The following DENND1A variants were observed in gnomAD, a reference collection of about 807,000 sequenced individuals.
The protein encoded by DENND1A is DENN domain containing 1A, also known as DENN domain-containing protein 1A.
Under a neutral mutation model 113.7 loss-of-function variants are expected in DENND1A, and 51 were observed. The observed-to-expected ratio is 0.45, with a 90% CI of 0.36 to 0.57. The LOEUF is 0.57. Ranked by LOEUF, DENND1A falls within the 20% of genes least tolerant of loss-of-function variation. The pLI, the probability that DENND1A is intolerant of heterozygous loss-of-function variation, is 0.00. For missense variants in DENND1A, 1,258 were observed against 1,395.9 expected, an observed-to-expected ratio of 0.90 and a Z score of 1.57; for synonymous variants, 565 against 570.8, an observed-to-expected ratio of 0.99 and a Z score of 0.14.
At chr9:123,826,212 G>A (rs1394280472) in intron 2 of DENND1A, among the ~76,000 whole-genome samples, 7 of 151,974 alleles carry the variant, frequency 4.6e-5, no homozygotes. Context: ...CCACAGCCTG[G>A]GCAACAAAGT....
chr9:123,663,292 G>C (rs1229117243), intron 8 of DENND1A, among the ~76,000 whole-genome samples: 1 of 152,030 alleles, frequency 6.6e-6, no homozygotes, highest in Non-Finnish European at 1.5e-5. Flanking sequence ...ACATCCCTAA[G>C]GTACTTGTTT....
chr9:123,759,238 C>T (rs1348840076), intron 4 of DENND1A: 3 of 152,206 alleles, frequency 2.0e-5, no homozygotes, highest in African/African-American at 7.2e-5. Context: ...AGGCTACCAC[C>T]TACTTGCCCA....
At chr9:123,411,724 A>T in intron 20 of DENND1A, 52 bp downstream of exon 20, 1 of 982,720 alleles carries the variant, frequency 1.0e-6, no homozygotes, top group Non-Finnish European at 1.2e-6. Context: ...AGGCTGAGGG[A>T]GAATGGCTCA....
chr9:123,609,320 G>T, intron 11 of DENND1A, 116 bp downstream of exon 11: 1 of 1,133,758 alleles, frequency 8.8e-7, no homozygotes, highest in Non-Finnish European at 1.3e-6. Flanking sequence ...GGGAGGTGCT[G>T]CTTCAGCATG....
intron 20 of DENND1A, among the ~76,000 whole-genome samples, chr9:123,407,352 C>A (rs1005775291): frequency 6.6e-6 from 1 of 152,054 alleles, no homozygotes; most frequent in Non-Finnish European, 1.5e-5. Flanking sequence ...CGAGATACAT[C>A]GAGGCCTCCA....
chr9:123,538,261 TA>T (rs1168935880), intron 13 of DENND1A, among the ~76,000 whole-genome samples: 1 of 152,292 alleles, frequency 6.6e-6, no homozygotes, highest in African/African-American at 2.4e-5. Flanking sequence ...AGAGGTTAAG[TA>T]AAAGCTCTGT....
intron 2 of DENND1A, among the ~76,000 whole-genome samples, chr9:123,808,203 G>C (rs1835931803): frequency 6.6e-6 from 1 of 151,960 alleles, no homozygotes; most frequent in Non-Finnish European, 1.5e-5. Context: ...CCCAGCCTAG[G>C]TGACAAGAGC....
intron 13 of DENND1A, among the ~76,000 whole-genome samples, chr9:123,531,396 T>C (rs2055285568): frequency 6.6e-6 from 1 of 152,174 alleles, no homozygotes; most frequent in Non-Finnish European, 1.5e-5. Context: ...TCCCTGAGTC[T>C]TTTTCTTCCT....
At chr9:123,475,402 T>C (rs2049824048) in intron 13 of DENND1A, among the ~76,000 whole-genome samples, 1 of 152,256 alleles carries the variant, frequency 6.6e-6, no homozygotes, top group African/African-American at 2.4e-5. Flanking sequence ...CCCCTCTCCC[T>C]TACTGAAGAA....
chr9:123,792,600 T>C lies in DENND1A; in HGVS notation c.119A>G (p.Asp40Gly). 1 of 1,612,952 alleles carries C rather than the reference T, an allele frequency of 6.2e-7. No individual in the cohort carries two copies. The highest frequency in any genetic ancestry group is 8.5e-7 in the Non-Finnish European group (1 of 1,179,380). Reference protein sequence around the residue: ...DPEVQRQFPEDYSDQEVLQTL... With the variant: ...DPEVQRQFPEGYSDQEVLQTL... Reference sequence around the variant, plus strand: ...CGCATTCCGAACCTGGTCACTGTAGTCCTCCGGGAATTGCCTCTGCACCTC... The same window carrying C: ...CGCATTCCGAACCTGGTCACTGTAGCCCTCCGGGAATTGCCTCTGCACCTC... Residue 40 changes from aspartate to glycine, a missense_variant, in exon 3 of 24, where the codon GAC (aspartate) becomes GGC (glycine). Physicochemically the swap from Asp to Gly is moderately conservative, Grantham distance 94. Coordinates refer to ENST00000394215, the MANE Select transcript of DENND1A (RefSeq NM_001352964.2).
In DENND1A at chr9:123,618,838, G is replaced by C. The variant is rs141849228; in HGVS notation, c.720-9357C>G. ...CGGTGCCTTCCGGGGTGCCTCTAGA[G>C]GGACAGGGCTAAAGGCTGAATGGCA... is the stretch of plus-strand genomic sequence containing the variant. On this transcript the variant is annotated intron_variant, in intron 10 of 23. Coordinates refer to ENST00000394215, the MANE Select transcript of DENND1A (RefSeq NM_001352964.2). Among the ~76,000 whole-genome samples the C allele has an allele frequency of 7.2e-5, 11 of 152,320 alleles. No individual in the cohort carries two copies. In the East Asian group the frequency reaches 2.1e-3, roughly 29 times the overall value.
At chr9:123,902,769 G>A (rs1851895861) in intron 1 of DENND1A, among the ~76,000 whole-genome samples, 1 of 146,442 alleles carries the variant, frequency 6.8e-6, no homozygotes, top group African/African-American at 2.5e-5. Context: ...ACAAAAAGCT[G>A]CAAGGAAGAG....
At chr9:123,606,430 G>A (rs1001355812) in intron 11 of DENND1A, among the ~76,000 whole-genome samples, 11 of 152,122 alleles carry the variant, frequency 7.2e-5, no homozygotes, top group Admixed American at 3.3e-4. Context: ...CTCCCTTAAC[G>A]CCCTTCAAAG....
chr9:123,689,273 C>T (rs1192525035), intron 5 of DENND1A, among the ~76,000 whole-genome samples: 5 of 152,176 alleles, frequency 3.3e-5, no homozygotes, highest in African/African-American at 9.7e-5. Context: ...GATCCACCTG[C>T]CTTGGCCTCC....
At chr9:123,471,824 C>G (rs2133385333) in intron 13 of DENND1A, among the ~76,000 whole-genome samples, 1 of 152,356 alleles carries the variant, frequency 6.6e-6, no homozygotes, top group South Asian at 2.1e-4. Flanking sequence ...TACCCAAACA[C>G]AGTTTTCCCC....
intron 2 of DENND1A, 39 bp from the exon 3 acceptor site, chr9:123,792,669 T>A: frequency 1.2e-6 from 2 of 1,604,986 alleles, no homozygotes; most frequent in South Asian, 1.1e-5. Flanking sequence ...TGGCTTTGGA[T>A]TAGTGAGCAA....
intron 18 of DENND1A, among the ~76,000 whole-genome samples, chr9:123,449,494 C>T (rs1488041326): frequency 6.8e-6 from 1 of 147,802 alleles, no homozygotes; most frequent in African/African-American, 2.5e-5. Context: ...GAGATCGCGC[C>T]ATTGCACTCC....
chr9:123,699,711 T>TA (rs2065767465), intron 5 of DENND1A, among the ~76,000 whole-genome samples: 1 of 147,814 alleles, frequency 6.8e-6, no homozygotes, highest in East Asian at 2.0e-4. Flanking sequence ...TTTTTTTTTT[T>TA]ATTGGAGACA....
chr9:123,608,215 C>T (rs906777251), intron 11 of DENND1A, among the ~76,000 whole-genome samples: 3 of 152,206 alleles, frequency 2.0e-5, no homozygotes, highest in Admixed American at 6.5e-5. Context: ...GAGCAGATTT[C>T]TGTGGTCTAT....
Sources: gnomAD v4.1 joint callset for allele counts (sites outside exome capture counted in the v4.1 genomes callset) on GRCh38, gnomAD v4.1.1 for gene constraint, MANE v1.5 for transcripts, NCBI Gene and HGNC (gene_info 2026-07-23, HGNC 2026-07-21) for gene names.